The following GALNTL6 variants were observed in gnomAD, a reference collection of about 807,000 sequenced individuals.
GALNTL6 encodes polypeptide N-acetylgalactosaminyltransferase like 6, also known as polypeptide N-acetylgalactosaminyltransferase-like 6.
GALNTL6 carries 46 observed loss-of-function variants against 73.7 expected under a neutral mutation model. The observed-to-expected ratio is 0.62, with a 90% CI of 0.49 to 0.80. GALNTL6 has a LOEUF of 0.80. GALNTL6 is among the 30% of genes least tolerant of loss of function. The pLI is 0.00. For synonymous variants in GALNTL6, 259 were observed against 263.7 expected (o/e 0.98, Z 0.17); for missense variants, 604 against 755.0 (o/e 0.80, Z 2.34).
At chr4:172,700,075 CAAGT>C (rs1447321575) in intron 5 of GALNTL6, among the ~76,000 whole-genome samples, 2 of 151,974 alleles carry the variant, frequency 1.3e-5, no homozygotes, top group African/African-American at 4.8e-5. Context: ...AAGTTTGAAA[CAAGT>C]AAGCAGTTTT....
At chr4:171,967,447 G>GTTTTTTTTTTTTTTGTT (rs1739417599) in intron 2 of GALNTL6, among the ~76,000 whole-genome samples, 1 of 14,326 alleles carries the variant, frequency 7.0e-5, no homozygotes, top group African/African-American at 9.7e-5. Context: ...CCCCCTATGG[G>GTTTTTTTTTTTTTTGTT]TTTTTTTTTT....
chr4:172,989,446 T>C (rs1751447398), intron 10 of GALNTL6, among the ~76,000 whole-genome samples: 1 of 152,200 alleles, frequency 6.6e-6, no homozygotes, highest in African/African-American at 2.4e-5. Context: ...GAGAAGGACA[T>C]GAGATATGGG....
rs79588117 is a variant in GALNTL6, at chr4:172,889,024, G to A, written c.1041+6117G>A. Among the ~76,000 whole-genome samples the A allele has an allele frequency of 3.4e-4, 51 of 152,048 alleles. No homozygotes were observed. In the East Asian group the frequency reaches 7.7e-3, roughly 23 times the overall value. On this transcript the variant is annotated intron_variant, in intron 8 of 12. Transcript: ENST00000506823. ...ATTTGCTTTTGTGTGTGTGGCTATC[G>A]TAAGTGAGATTGCATTATTGATTCA...
intron 5 of GALNTL6, among the ~76,000 whole-genome samples, chr4:172,683,805 A>C (rs1057113677): frequency 6.6e-6 from 1 of 152,250 alleles, no homozygotes; most frequent in African/African-American, 2.4e-5. Flanking sequence ...TCCCAAAATA[A>C]TATCAATTAA....
intron 12 of GALNTL6, among the ~76,000 whole-genome samples, chr4:173,034,340 A>T (rs976107932): frequency 3.9e-5 from 6 of 152,108 alleles, no homozygotes; most frequent in Non-Finnish European, 5.9e-5. Context: ...CCCAATGACC[A>T]TTCCGAGATA....
chr4:172,965,001 C>T (rs986280608), intron 10 of GALNTL6, among the ~76,000 whole-genome samples: 5 of 152,226 alleles, frequency 3.3e-5, no homozygotes, highest in Non-Finnish European at 5.9e-5. Context: ...GGCAAACTGC[C>T]TCTGCCCTTT....
At chr4:172,045,226 C>T (rs771056025) in intron 2 of GALNTL6, among the ~76,000 whole-genome samples, 1 of 151,948 alleles carries the variant, frequency 6.6e-6, no homozygotes, top group Non-Finnish European at 1.5e-5. Context: ...GAGCACTGTG[C>T]GCCTAAGAGA....
chr4:172,176,135 C>T (rs527361136), intron 2 of GALNTL6, among the ~76,000 whole-genome samples: 7 of 151,584 alleles, frequency 4.6e-5, no homozygotes, highest in Admixed American at 6.6e-5. Context: ...GTCAGGAGAT[C>T]GAGACCATCC....
intron 7 of GALNTL6, among the ~76,000 whole-genome samples, chr4:172,834,396 C>T (rs895446588): frequency 6.6e-5 from 10 of 152,178 alleles, no homozygotes; most frequent in African/African-American, 9.6e-5. Flanking sequence ...CCCATTACAG[C>T]GAGGTAAGCA....
intron 2 of GALNTL6, among the ~76,000 whole-genome samples, chr4:171,956,970 T>C (rs563324702): frequency 1.3e-5 from 2 of 152,332 alleles, no homozygotes; most frequent in East Asian, 3.9e-4. Flanking sequence ...GACCTAACTA[T>C]CCTTACCTTT....
chr4:172,183,621 A>C (rs2110860580), intron 2 of GALNTL6, among the ~76,000 whole-genome samples: 1 of 152,294 alleles, frequency 6.6e-6, no homozygotes, highest in East Asian at 1.9e-4. Context: ...AGATGACTTC[A>C]AATACACTTT....
chr4:172,925,387 C>T (rs2610198), intron 8 of GALNTL6, among the ~76,000 whole-genome samples: 11,877 of 152,044 alleles, frequency 0.078, 1,109 homozygotes, highest in African/African-American at 0.22. Context: ...ATTTTGAGTC[C>T]TTGGAAATGG....
chr4:172,930,987 T>G (rs868249164), intron 8 of GALNTL6, among the ~76,000 whole-genome samples, 174 bp from the exon 9 acceptor site: 6 of 152,304 alleles, frequency 3.9e-5, no homozygotes, highest in Middle Eastern at 6.8e-3. Context: ...TAAACTTTTA[T>G]GAATCTAGGT....
chr4:172,492,913 A>G (rs1011986109), intron 5 of GALNTL6, among the ~76,000 whole-genome samples: 1 of 152,188 alleles, frequency 6.6e-6, no homozygotes, highest in African/African-American at 2.4e-5. Flanking sequence ...TTGTTTAACA[A>G]CTGTGTGTCT....
At chr4:171,907,384 C>A (rs948673642) in intron 2 of GALNTL6, among the ~76,000 whole-genome samples, 3 of 152,210 alleles carry the variant, frequency 2.0e-5, no homozygotes, top group Admixed American at 6.5e-5. Flanking sequence ...TGAGTGAACT[C>A]CCATTCACAA....
At position 171,826,175 on chromosome 4, in the gene GALNTL6, C is replaced by T. The variant is rs1318204456; in HGVS notation, c.138+11457C>T. ...TCCAATCTTCTTTCTCTCTTCAAAT[C>T]TCCCGTGCCACCACCTCTTTTATTA... is the stretch of plus-strand genomic sequence containing the variant. On this transcript the variant is annotated intron_variant, in intron 2 of 12. Transcript: ENST00000506823. Among the ~76,000 whole-genome samples the T allele has an allele frequency of 2.6e-5, 4 of 152,148 alleles. No homozygotes were observed. In the East Asian group the frequency reaches 7.7e-4, roughly 29 times the overall value.
At chr4:172,610,848 G>C (rs1738499550) in intron 5 of GALNTL6, among the ~76,000 whole-genome samples, 1 of 152,106 alleles carries the variant, frequency 6.6e-6, no homozygotes, top group African/African-American at 2.4e-5. Context: ...CTAAGAACTT[G>C]TTTTATGAAT....
chr4:172,501,996 A>T (rs1413327219), intron 5 of GALNTL6, among the ~76,000 whole-genome samples: 2 of 152,210 alleles, frequency 1.3e-5, no homozygotes, highest in Non-Finnish European at 2.9e-5. Context: ...CCTACTGCAA[A>T]GAATTTTACT....
intron 5 of GALNTL6, among the ~76,000 whole-genome samples, chr4:172,633,376 A>G (rs1739500625): frequency 6.6e-6 from 1 of 152,198 alleles, no homozygotes; most frequent in African/African-American, 2.4e-5. Context: ...GTCAAAGACA[A>G]TCATTTTGGA....
Sources: gnomAD v4.1 joint callset for allele counts (sites outside exome capture counted in the v4.1 genomes callset) on GRCh38, gnomAD v4.1.1 for gene constraint, MANE v1.5 for transcripts, NCBI Gene and HGNC (gene_info 2026-07-23, HGNC 2026-07-21) for gene names.